The following ITGAV variants were observed in gnomAD, a reference collection of about 807,000 sequenced individuals.
ITGAV encodes the protein integrin alpha-V.
ITGAV carries 76 observed loss-of-function variants against 143.8 expected under a neutral mutation model. The ratio of observed to expected loss-of-function variants is 0.53; its 90% CI spans 0.44 to 0.64. The LOEUF (loss-of-function observed/expected upper bound fraction) is 0.64. Ranked by LOEUF, ITGAV falls within the 30% of genes least tolerant of loss-of-function variation. ITGAV has a pLI of 0.00. For missense variants in ITGAV, 1,193 were observed against 1,274.7 expected, an observed-to-expected ratio of 0.94 and a Z score of 0.98; for synonymous variants, 453 against 446.7, an observed-to-expected ratio of 1.01 and a Z score of -0.18.
At position 186,656,357 on chromosome 2, in the gene ITGAV, AG is replaced by A. The variant is rs1209653205; in HGVS notation, c.1682del (p.Gly561AspfsTer2). ...TCACTCCAAGAACATGACTATTTCAAGGGGGGGACTGATGCAGTGTGAGGAA... is the reference window on the plus strand; with the variant it reads ...TCACTCCAAGAACATGACTATTTCAAGGGGGGACTGATGCAGTGTGAGGAA... ...PSHSKNMTIS[R>X]GGLMQCEELI... is the part of the protein sequence containing the mutation. On this transcript the variant is annotated frameshift_variant, in exon 17 of 30. Transcript: ENST00000261023. LOFTEE classifies it high-confidence loss of function. The A allele has an allele frequency of 1.3e-6, 2 of 1,555,214 alleles. No homozygotes were observed. Among genetic ancestry groups the A allele is most frequent in the South Asian group, 1.2e-5 (1 of 80,542 alleles).
At position 186,638,351 on chromosome 2, in the gene ITGAV, A is replaced by G. The variant is rs375987665; in HGVS notation, c.846+31A>G. 43 of 1,610,728 alleles carry G rather than the reference A, an allele frequency of 2.7e-5. No individual in the cohort carries two copies. The African/African-American group carries it at 4.8e-4, about 18-fold the overall frequency. ...ACAGTTAAAAGGTATTTTTTAAAAA[A>G]TCTCTAAGTTATCTTCTATTTTACC... On this transcript the variant is annotated intron_variant, in intron 9 of 29. Transcript: ENST00000261023.
intron 5 of ITGAV, among the ~76,000 whole-genome samples, chr2:186,632,265 A>G (rs61765160): frequency 6.6e-6 from 1 of 152,210 alleles, no homozygotes; most frequent in Non-Finnish European, 1.5e-5. Flanking sequence ...ATATTTTTAA[A>G]ATATATAATG....
rs1688086210 is a variant in ITGAV, at chr2:186,640,958, A to G, written c.947A>G (p.Asn316Ser). ...TTTTCTGTAGCTGCCACTGACATTA[A>G]TGGAGATGAGTAAGTTTAAAAAAAA... ...FGFSVAATDINGDDYADVFIG... is the reference protein window; with the variant it reads ...FGFSVAATDISGDDYADVFIG... Residue 316 changes from asparagine to serine, a missense_variant, in exon 11 of 30, where the codon AAT (asparagine) becomes AGT (serine). Asn to Ser is a conservative substitution (Grantham distance 46). Transcript: ENST00000261023. 1 of 1,595,996 alleles carries G rather than the reference A, an allele frequency of 6.3e-7. No homozygotes were observed. Among genetic ancestry groups the G allele is most frequent in the Non-Finnish European group, 8.6e-7 (1 of 1,168,246 alleles).
intron 24 of ITGAV, 53 bp downstream of exon 24, chr2:186,667,829 G>A (rs1040611745): frequency 1.6e-5 from 18 of 1,116,628 alleles, no homozygotes; most frequent in African/African-American, 4.7e-5. Flanking sequence ...AACGAAGAGA[G>A]GAACAACTAA....
At chr2:186,656,176 GAA>G in intron 16 of ITGAV, 69 bp from the exon 17 acceptor site, 1 of 1,159,218 alleles carries the variant, frequency 8.6e-7, no homozygotes, top group Non-Finnish European at 1.2e-6. Context: ...CTGTTTACAT[GAA>G]AACTCTAGAG....
At chr2:186,673,257 G>T (rs1185092987) in intron 26 of ITGAV, among the ~76,000 whole-genome samples, 1 of 152,304 alleles carries the variant, frequency 6.6e-6, no homozygotes, top group South Asian at 2.1e-4. Context: ...TAGACATTCA[G>T]TTCTATTCAG....
chr2:186,663,870 A>G, intron 19 of ITGAV, 35 bp downstream of exon 19: 1 of 1,400,576 alleles, frequency 7.1e-7, no homozygotes. Flanking sequence ...GTAGTAAGAA[A>G]TTTAAATGGA....
At chr2:186,617,895 T>C (rs1687411485) in intron 2 of ITGAV, among the ~76,000 whole-genome samples, 1 of 152,232 alleles carries the variant, frequency 6.6e-6, no homozygotes. Flanking sequence ...CCCTTGAGTT[T>C]CTGCAGTTGT....
chr2:186,637,206 G>C, intron 8 of ITGAV, 97 bp downstream of exon 8: 1 of 982,082 alleles, frequency 1.0e-6, no homozygotes, highest in Non-Finnish European at 1.6e-6. Context: ...GAGTGGCTGG[G>C]TGCTGTGGCT....
intron 1 of ITGAV, among the ~76,000 whole-genome samples, 193 bp from the exon 2 acceptor site, chr2:186,601,828 A>G (rs1312782997): frequency 6.6e-6 from 1 of 152,258 alleles, no homozygotes; most frequent in Non-Finnish European, 1.5e-5. Context: ...CAGGAAAAAT[A>G]AACTATATCA....
At chr2:186,668,195 T>TATATATATATCC (rs1224505790) in intron 24 of ITGAV, among the ~76,000 whole-genome samples, 1 of 17,318 alleles carries the variant, frequency 5.8e-5, no homozygotes, top group Admixed American at 7.4e-4. Context: ...CATATATATA[T>TATATATATATCC]ATATATATAT....
At chr2:186,604,270 T>C (rs1480405832) in intron 2 of ITGAV, among the ~76,000 whole-genome samples, 3 of 152,190 alleles carry the variant, frequency 2.0e-5, no homozygotes, top group Non-Finnish European at 4.4e-5. Flanking sequence ...AAAAATCTGA[T>C]GCCTCCCTGC....
intron 6 of ITGAV, among the ~76,000 whole-genome samples, chr2:186,635,512 G>C (rs1232174352): frequency 3.9e-5 from 6 of 152,154 alleles, no homozygotes; most frequent in Admixed American, 3.3e-4. Flanking sequence ...AATGATAAGA[G>C]ATTACTGTGT....
chr2:186,590,446 C>T lies in ITGAV; in HGVS notation c.108C>T (p.Asp36=), dbSNP rs1285077753. ...GCCGCGCCTTCAACCTAGACGTGGA[C>T]AGTCCTGCCGAGTACTCTGGCCCCG... is the stretch of plus-strand genomic sequence containing the variant. ...PLCRAFNLDV[D]SPAEYSGPEG... is the part of the protein sequence containing the mutation. Residue 36 remains aspartate (D), a synonymous_variant, in exon 1 of 30, where the codon GAC becomes GAT. Transcript: ENST00000261023. The T allele has an allele frequency of 6.2e-7, 1 of 1,613,104 alleles. No individual in the cohort carries two copies. Among genetic ancestry groups the T allele is most frequent in the Admixed American group, 1.7e-5 (1 of 59,988 alleles).
chr2:186,674,553 C>T (rs1328514486), intron 26 of ITGAV, among the ~76,000 whole-genome samples: 3 of 151,806 alleles, frequency 2.0e-5, no homozygotes, highest in Non-Finnish European at 2.9e-5. Flanking sequence ...GCTCTGTCAC[C>T]GAGGCTGGAG....
At chr2:186,622,979 G>T (rs1406522361) in intron 3 of ITGAV, among the ~76,000 whole-genome samples, 2 of 152,060 alleles carry the variant, frequency 1.3e-5, no homozygotes, top group African/African-American at 4.8e-5. Context: ...GGCCAGGCTG[G>T]TCTCTAACTC....
rs1414233200 is a variant in ITGAV at position 186,646,798 on chromosome 2, G to A, written c.1272G>A (p.Gln424=). 6 of 1,612,648 alleles carry A rather than the reference G, an allele frequency of 3.7e-6. No individual in the cohort carries two copies. In the Admixed American group the frequency reaches 5.0e-5, roughly 13 times the overall value. Residue 424 remains glutamine, a synonymous_variant, in exon 13 of 30, where the codon CAG becomes CAA. Transcript: ENST00000261023. ...NAVPSQILEG[Q]WAARSMPPSF... ...TCCCATCTCAAATCCTTGAAGGGCA[G>A]TGGGCTGCTCGAAGCATGCCACCAA...
intron 2 of ITGAV, among the ~76,000 whole-genome samples, chr2:186,608,606 T>C (rs762762932): frequency 5.9e-5 from 9 of 152,156 alleles, no homozygotes; most frequent in Non-Finnish European, 1.3e-4. Flanking sequence ...CTTATTAAGC[T>C]GAATTTTTTG....
In ITGAV at chr2:186,640,833, A is replaced by G. The variant is rs1688081770; in HGVS notation, c.904-82A>G. 8.0e-6 allele frequency: 9 copies of G among 1,118,198 alleles called. No homozygotes were observed. In the South Asian group the frequency reaches 9.9e-5, roughly 12 times the overall value. The allele number at this position is 1,118,198 out of a possible 1,614,324, so 69.3% of individuals were successfully genotyped here. ...ATATGCAGAGAAAAAAAATAACCCT[A>G]TTTGGTACATATATTACAAATGTTA... On this transcript the variant is annotated intron_variant, in intron 10 of 29. Coordinates refer to ENST00000261023, the MANE Select transcript of ITGAV (RefSeq NM_002210.5).
Sources: gnomAD v4.1 joint callset for allele counts (sites outside exome capture counted in the v4.1 genomes callset) on GRCh38, gnomAD v4.1.1 for gene constraint, MANE v1.5 for transcripts, NCBI Gene and HGNC (gene_info 2026-07-23, HGNC 2026-07-21) for gene names.